Variants in IBA57 observed in about 807,000 individuals in gnomAD.
The protein encoded by IBA57 is iron-sulfur cluster assembly factor IBA57, mitochondrial.
In IBA57, 20 loss-of-function variants were observed where a neutral mutation model predicts 20.4. The observed-to-expected ratio is 0.98, with a 90% confidence interval of 0.69 to 1.42. IBA57 has a LOEUF of 1.42. Ranked by LOEUF, IBA57 falls within the 40% of genes most tolerant of loss-of-function variation. The probability of loss-of-function intolerance (pLI) is 0.00; values close to 1 mark genes in which losing one functional copy is unlikely to be tolerated. For missense variants in IBA57, 608 were observed against 499.3 expected, an observed-to-expected ratio of 1.22 and a Z score of -2.07; for synonymous variants, 310 against 233.9, an observed-to-expected ratio of 1.33 and a Z score of -2.97.
At chr1:228,171,332 T>C (rs967106156) in intron 1 of IBA57, 1 of 152,110 alleles carries the variant, frequency 6.6e-6, no homozygotes, top group African/African-American at 2.4e-5. Flanking sequence ...GTGAGGCAAG[T>C]CTCCTGGCAG....
intron 1 of IBA57, among the ~76,000 whole-genome samples, chr1:228,167,129 T>C (rs2034864550): frequency 6.6e-6 from 1 of 152,202 alleles, no homozygotes; most frequent in Non-Finnish European, 1.5e-5. Flanking sequence ...GTGAACTGTG[T>C]TTTTCTCAGA....
At chr1:228,167,285 C>T (rs1292151247) in intron 1 of IBA57, among the ~76,000 whole-genome samples, 1 of 151,874 alleles carries the variant, frequency 6.6e-6, no homozygotes, top group Non-Finnish European at 1.5e-5. Context: ...TCAGACCCAG[C>T]CCATTGCCGG....
rs968780681 is a variant in IBA57, at chr1:228,166,163, C to G, written c.341+6C>G. On this transcript the variant is annotated splice_donor_region_variant and intron_variant, in intron 1 of 2. Transcript: ENST00000366711. Reference sequence around the variant, plus strand: ...TATGACGTCATCTTGTACGGGTGAGCGCGTGCTGGGAGGGCGCTCGGGGGC... The same window carrying G: ...TATGACGTCATCTTGTACGGGTGAGGGCGTGCTGGGAGGGCGCTCGGGGGC... The G allele has an allele frequency of 2.0e-6, 3 of 1,473,784 alleles. No individual in the cohort carries two copies. Among genetic ancestry groups the G allele is most frequent in the Non-Finnish European group, 2.7e-6 (3 of 1,108,440 alleles). 91.3% of individuals were successfully genotyped at this position (1,473,784 alleles called of 1,614,324 possible). A position where few individuals can be genotyped will look rare whatever the true frequency, so the allele number is the denominator to read the frequency against.
chr1:228,174,741 T>C lies in IBA57; in HGVS notation c.391T>C (p.Ser131Pro). ...TGGCTTCCTTCTGGAGTGTGACAGCTCGGTGCAGGGCGCGCTGCAGAAGCA... is the reference window on the plus strand; with the variant it reads ...TGGCTTCCTTCTGGAGTGTGACAGCCCGGTGCAGGGCGCGCTGCAGAAGCA... ...VSGFLLECDS[S>P]VQGALQKHLA... is the part of the protein sequence containing the mutation. Residue 131 changes from serine to proline, a missense_variant, in exon 2 of 3, where the codon TCG becomes CCG. Ser to Pro is a moderately conservative substitution (Grantham distance 74). Coordinates refer to ENST00000366711, the MANE Select transcript of IBA57 (RefSeq NM_001010867.4). 1.9e-6 allele frequency: 3 copies of C among 1,597,350 alleles called. No individual in the cohort carries two copies. Among genetic ancestry groups the C allele is most frequent in the East Asian group, 4.5e-5 (2 of 44,414 alleles).
chr1:228,176,390 G>C lies in IBA57; in HGVS notation c.*877G>C, dbSNP rs1230113635. ...AAGAGTGAGCCACAGGCAGCCCCTTGGGAGCTCTGGTTTCATTTGGGGGAG... is the reference window on the plus strand; with the variant it reads ...AAGAGTGAGCCACAGGCAGCCCCTTCGGAGCTCTGGTTTCATTTGGGGGAG... On this transcript the variant is annotated 3_prime_UTR_variant, in exon 3 of 3. Transcript: ENST00000366711. The C allele has an allele frequency of 1.3e-5, 2 of 152,582 alleles. No individual in the cohort carries two copies. Among genetic ancestry groups the C allele is most frequent in the African/African-American group, 4.8e-5 (2 of 41,470 alleles). 9.5% of individuals were successfully genotyped at this position (152,582 alleles called of 1,614,324 possible). A position where few individuals can be genotyped will look rare whatever the true frequency, so the allele number is the denominator to read the frequency against.
chr1:228,170,389 G>A lies in IBA57; in HGVS notation c.341+4232G>A, dbSNP rs1199463994. 6.6e-6 allele frequency among the ~76,000 whole-genome samples: 1 copy of A among 152,162 alleles called. No individual in the cohort carries two copies. Among genetic ancestry groups the A allele is most frequent in the East Asian group, 1.9e-4 (1 of 5,194 alleles). On this transcript the variant is annotated intron_variant, in intron 1 of 2. Transcript: ENST00000366711. The surrounding 1 kb of genome is among the most constrained non-coding windows in gnomAD (Gnocchi z 4.8). ...GCTCCATTGCCCAGGCTGGAGTGCAGTGGCACAGTTGTAGCTCACTGTACC... is the reference window on the plus strand; with the variant it reads ...GCTCCATTGCCCAGGCTGGAGTGCAATGGCACAGTTGTAGCTCACTGTACC...
At chr1:228,168,153 C>G (rs538104221) in intron 1 of IBA57, among the ~76,000 whole-genome samples, 1 of 152,190 alleles carries the variant, frequency 6.6e-6, no homozygotes, top group Admixed American at 6.5e-5. Context: ...CTTCCTCCTC[C>G]TCAGCCTACT....
In IBA57 at chr1:228,175,735, G is replaced by A. The variant is rs2035008736; in HGVS notation, c.*222G>A. 2.0e-6 allele frequency: 1 copy of A among 501,628 alleles called. No individual in the cohort carries two copies. Among genetic ancestry groups the A allele is most frequent in the South Asian group, 3.4e-5 (1 of 29,316 alleles). The allele number at this position is 501,628 out of a possible 1,614,324, so 31.1% of individuals were successfully genotyped here. On this transcript the variant is annotated 3_prime_UTR_variant, in exon 3 of 3. Coordinates refer to ENST00000366711, the MANE Select transcript of IBA57 (RefSeq NM_001010867.4). ...TCTCCCTGGACTTCCTGTGGCCCCA[G>A]AGGAGCCCACCGTGTGAGTGCTGGG...
chr1:228,175,749 G>T lies in IBA57; in HGVS notation c.*236G>T. 2.2e-6 allele frequency: 1 copy of T among 464,208 alleles called. No individual in the cohort carries two copies. Among genetic ancestry groups the T allele is most frequent in the Non-Finnish European group, 3.8e-6 (1 of 263,780 alleles). The allele number at this position is 464,208 out of a possible 1,614,324, so 28.8% of individuals were successfully genotyped here. A position where few individuals can be genotyped will look rare whatever the true frequency, so the allele number is the denominator to read the frequency against. On this transcript the variant is annotated 3_prime_UTR_variant, in exon 3 of 3. Transcript: ENST00000366711. ...CTGTGGCCCCAGAGGAGCCCACCGTGTGAGTGCTGGGCTCCAGATGGCGCC... is the reference window on the plus strand; with the variant it reads ...CTGTGGCCCCAGAGGAGCCCACCGTTTGAGTGCTGGGCTCCAGATGGCGCC...
rs758578186 is a variant in IBA57 at position 228,174,977 on chromosome 1, C to CG, written c.632dup (p.Arg212ProfsTer19). 1.9e-6 allele frequency: 3 copies of CG among 1,553,998 alleles called. No homozygotes were observed. Among genetic ancestry groups the CG allele is most frequent in the Non-Finnish European group, 2.6e-6 (3 of 1,147,706 alleles). On this transcript the variant is annotated frameshift_variant, in exon 2 of 3. Coordinates refer to ENST00000366711, the MANE Select transcript of IBA57 (RefSeq NM_001010867.4). LOFTEE classifies it high-confidence loss of function. ...AGGATGAAGGCCCAGCCCTGGTGCC[C>CG]GGGGGCCGGCTCGGGGACTTGTGGG...
chr1:228,173,467 C>T (rs896461256), intron 1 of IBA57: 1 of 125,248 alleles, frequency 8.0e-6, no homozygotes, highest in Admixed American at 1.0e-4. Context: ...GGTCAGGGGT[C>T]ATTCTTGTGG....
intron 1 of IBA57, among the ~76,000 whole-genome samples, chr1:228,169,667 G>C (rs988862358): frequency 1.3e-5 from 2 of 152,042 alleles, no homozygotes; most frequent in African/African-American, 4.8e-5. Flanking sequence ...TAGTGTCACT[G>C]CCTTGAAATC....
chr1:228,181,123 G>A lies in IBA57; in HGVS notation c.*5610G>A, dbSNP rs970760118. 6.6e-6 allele frequency: 1 copy of A among 152,068 alleles called. No individual in the cohort carries two copies. Among genetic ancestry groups the A allele is most frequent in the Non-Finnish European group, 1.5e-5 (1 of 68,046 alleles). The allele number at this position is 152,068 out of a possible 1,614,324, so 9.4% of individuals were successfully genotyped here. A position where few individuals can be genotyped will look rare whatever the true frequency, so the allele number is the denominator to read the frequency against. Reference sequence around the variant, plus strand: ...GCTGTGAGGGCTCCACTCTCCAAGGGCGGAGTTAATGTTATGAAAGGGTAA... The same window carrying A: ...GCTGTGAGGGCTCCACTCTCCAAGGACGGAGTTAATGTTATGAAAGGGTAA... On this transcript the variant is annotated 3_prime_UTR_variant, in exon 3 of 3. Coordinates refer to ENST00000366711, the MANE Select transcript of IBA57 (RefSeq NM_001010867.4).
At chr1:228,172,309 CTG>C (rs1377771053) in intron 1 of IBA57, 1 of 152,204 alleles carries the variant, frequency 6.6e-6, no homozygotes, top group African/African-American at 2.4e-5. Flanking sequence ...GTGTGAATAT[CTG>C]TGGCCATTCT....
rs1381369102 is a variant in IBA57 at position 228,175,324 on chromosome 1, C to A, written c.882C>A (p.Thr294=). ...FLDPLPTSGI[T]PGATVLTASG... ...ACCCCCTTCCCACCAGTGGCATCAC[C>A]CCTGGTGCCACGGTGCTGACTGCCT... The change falls in exon 3 of 3, where the codon ACC becomes ACA. Residue 294 remains threonine, a synonymous_variant. Coordinates refer to ENST00000366711, the MANE Select transcript of IBA57 (RefSeq NM_001010867.4). The A allele has an allele frequency of 6.2e-7, 1 of 1,612,964 alleles. No homozygotes were observed. The highest frequency in any genetic ancestry group is 8.5e-7 in the Non-Finnish European group (1 of 1,179,990).
Position 228,166,122 on chromosome 1 carries a change from G to T in IBA57, c.306G>T (p.Val102=), listed in dbSNP as rs1200766055. The T allele has an allele frequency of 6.5e-7, 1 of 1,537,876 alleles. No homozygotes were observed. Among genetic ancestry groups the T allele is most frequent in the East Asian group, 2.5e-5 (1 of 40,176 alleles). Residue 102 remains valine, a synonymous_variant, in exon 1 of 3, where the codon GTG becomes GTT. Coordinates refer to ENST00000366711, the MANE Select transcript of IBA57 (RefSeq NM_001010867.4). ...CGGGCTACGCCCACTTCCTGAACGT[G>T]CAGGGCCGGACGCTCTATGACGTCA... ...ARAGYAHFLN[V]QGRTLYDVIL...
In IBA57 at chr1:228,166,158, G is replaced by T. The variant is rs1250537283; in HGVS notation, c.341+1G>T. On this transcript the variant is annotated splice_donor_variant, in intron 1 of 2. Coordinates refer to ENST00000366711, the MANE Select transcript of IBA57 (RefSeq NM_001010867.4). LOFTEE classifies it high-confidence loss of function. ...CGCTCTATGACGTCATCTTGTACGG[G>T]TGAGCGCGTGCTGGGAGGGCGCTCG... The T allele has an allele frequency of 1.3e-6, 2 of 1,482,208 alleles. No individual in the cohort carries two copies. The highest frequency in any genetic ancestry group is 1.8e-6 in the Non-Finnish European group (2 of 1,113,046). The allele number at this position is 1,482,208 out of a possible 1,614,324, so 91.8% of individuals were successfully genotyped here.
chr1:228,166,009 G>A lies in IBA57; in HGVS notation c.193G>A (p.Asp65Asn), dbSNP rs914814028. The A allele has an allele frequency of 2.0e-6, 3 of 1,531,024 alleles. No individual in the cohort carries two copies. The highest frequency in any genetic ancestry group is 2.8e-5 in the African/African-American group (2 of 71,346). The allele number at this position is 1,531,024 out of a possible 1,614,324, so 94.8% of individuals were successfully genotyped here. ...CACCCTGCTGCGCGTGCGTGGCCCC[G>A]ACGCGGCGCCCTTCCTGCTAGGGCT... Reference protein sequence around the residue: ...GRTLLRVRGPDAAPFLLGLLT... With the variant: ...GRTLLRVRGPNAAPFLLGLLT... The change falls in exon 1 of 3, where the codon GAC (aspartate) becomes AAC (asparagine). Residue 65 changes from aspartate (D) to asparagine (N), a missense_variant. Coordinates refer to ENST00000366711, the MANE Select transcript of IBA57 (RefSeq NM_001010867.4).
In IBA57 at chr1:228,176,666, G is replaced by A. The variant is rs1368080720; in HGVS notation, c.*1153G>A. ...GGGCCACCAAGCTGGACGTTAGGGTGGCCACAGAGGGCCAAGCAGGCAGGG... is the reference window on the plus strand; with the variant it reads ...GGGCCACCAAGCTGGACGTTAGGGTAGCCACAGAGGGCCAAGCAGGCAGGG... On this transcript the variant is annotated 3_prime_UTR_variant, in exon 3 of 3. Coordinates refer to ENST00000366711, the MANE Select transcript of IBA57 (RefSeq NM_001010867.4). The A allele has an allele frequency of 5.2e-5, 8 of 152,414 alleles. No homozygotes were observed. The highest frequency in any genetic ancestry group is 1.0e-4 in the Non-Finnish European group (7 of 68,168). The allele number at this position is 152,414 out of a possible 1,614,324, so 9.4% of individuals were successfully genotyped here.
Sources: allele counts gnomAD v4.1 joint callset (sites outside exome capture counted in the v4.1 genomes callset), GRCh38; gene constraint gnomAD v4.1.1; non-coding constraint Gnocchi (gnomAD v3.1); transcripts MANE v1.5; gene names NCBI Gene and HGNC (gene_info 2026-07-23, HGNC 2026-07-21).